MAPT: variants seen among roughly 807,000 people sequenced by gnomAD.
MAPT encodes microtubule associated protein tau.
MAPT carries 34 observed loss-of-function variants against 67.9 expected under a neutral mutation model. The ratio of observed to expected loss-of-function variants is 0.50; its 90% CI spans 0.38 to 0.67. MAPT has a LOEUF of 0.67. MAPT is among the 30% of genes least tolerant of loss of function. The pLI is 0.00. For synonymous variants in MAPT, 456 were observed against 464.5 expected (o/e 0.98, Z 0.23); for missense variants, 881 against 1,115.2 (o/e 0.79, Z 2.99).
chr17:45,908,472 A>G (rs937159891), intron 1 of MAPT: 1 of 152,216 alleles, frequency 6.6e-6, no homozygotes, highest in Non-Finnish European at 1.5e-5. Context: ...AAAGGGTCAC[A>G]GTGAGAGGGG....
intron 1 of MAPT, among the ~76,000 whole-genome samples, chr17:45,920,183 TTG>T (rs2065563331): frequency 6.6e-6 from 1 of 152,148 alleles, no homozygotes; most frequent in Non-Finnish European, 1.5e-5. Context: ...CTATTTTTGT[TTG>T]TGTTTTTCTT....
intron 2 of MAPT, among the ~76,000 whole-genome samples, chr17:45,966,514 A>G (rs922495279): frequency 1.3e-5 from 2 of 152,198 alleles, no homozygotes; most frequent in African/African-American, 4.8e-5. Context: ...ATCTGAGCCC[A>G]GGAGTTTGAG....
At chr17:45,999,628 A>T (rs760318569) in intron 9 of MAPT, 1 of 1,611,406 alleles carries the variant, frequency 6.2e-7, no homozygotes, top group Non-Finnish European at 8.5e-7. Context: ...GCCTCTGCCC[A>T]TGAGGGGTGA....
intron 10 of MAPT, among the ~76,000 whole-genome samples, chr17:46,013,097 A>G (rs1182429712): frequency 6.6e-6 from 1 of 152,164 alleles, no homozygotes; most frequent in Non-Finnish European, 1.5e-5. Context: ...CCTGCCCTGC[A>G]CCTTGTTTTT....
intron 1 of MAPT, among the ~76,000 whole-genome samples, chr17:45,941,656 A>C (rs371299814): frequency 0.2 from 2,079 of 10,402 alleles, 45 homozygotes; most frequent in African/African-American, 0.27. Context: ...CCCCCCTTCC[A>C]CCCTTCCCCC....
intron 1 of MAPT, among the ~76,000 whole-genome samples, chr17:45,908,964 A>C (rs1363965255): frequency 6.6e-6 from 1 of 151,924 alleles, no homozygotes; most frequent in African/African-American, 2.4e-5. Flanking sequence ...TCTTCAAGAA[A>C]AGTTTTAGAA....
intron 9 of MAPT, among the ~76,000 whole-genome samples, chr17:46,004,471 C>T (rs1262821790): frequency 6.6e-6 from 1 of 152,232 alleles, no homozygotes; most frequent in Non-Finnish European, 1.5e-5. Flanking sequence ...GAGCTTGCAA[C>T]ACATCGTTCT....
At chr17:45,930,094 A>T (rs1196609894) in intron 1 of MAPT, among the ~76,000 whole-genome samples, 1 of 152,136 alleles carries the variant, frequency 6.6e-6, no homozygotes, top group African/African-American at 2.4e-5. Context: ...AGAATATTTT[A>T]TGTTGTTACT....
chr17:46,016,553 C>T (rs1275728430), intron 11 of MAPT, among the ~76,000 whole-genome samples: 2 of 152,070 alleles, frequency 1.3e-5, no homozygotes, highest in African/African-American at 4.8e-5. Context: ...AGGCGGATCA[C>T]GAGGTCAGGA....
At chr17:46,005,006 A>G (rs2075311605) in intron 9 of MAPT, among the ~76,000 whole-genome samples, 1 of 152,132 alleles carries the variant, frequency 6.6e-6, no homozygotes, top group African/African-American at 2.4e-5. Context: ...GGATGGTCTC[A>G]ATCTCCTGAC....
chr17:45,992,005 C>T (rs1000164595), intron 8 of MAPT, among the ~76,000 whole-genome samples: 1 of 151,986 alleles, frequency 6.6e-6, no homozygotes, highest in East Asian at 1.9e-4. Context: ...AGGCTGGTCT[C>T]GAACGCCTGA....
intron 1 of MAPT, among the ~76,000 whole-genome samples, chr17:45,907,045 C>G (rs1009219948): frequency 6.6e-6 from 1 of 152,214 alleles, no homozygotes; most frequent in South Asian, 2.1e-4. Context: ...CCCAGAGCAA[C>G]CCCGTCACCT....
intron 1 of MAPT, among the ~76,000 whole-genome samples, chr17:45,949,794 G>A (rs895849792): frequency 3.9e-5 from 6 of 152,186 alleles, no homozygotes; most frequent in African/African-American, 1.4e-4. Context: ...ACTGCCTTGA[G>A]TAAGAAAGTT....
intron 1 of MAPT, among the ~76,000 whole-genome samples, chr17:45,935,623 C>T (rs62061719): frequency 0.14 from 21,794 of 152,108 alleles, 2,132 homozygotes; most frequent in Middle Eastern, 0.22. Flanking sequence ...CCCCTGATGC[C>T]GGCTCCTGGC....
intron 9 of MAPT, among the ~76,000 whole-genome samples, chr17:46,004,472 A>G (rs2075271379): frequency 6.6e-6 from 1 of 152,206 alleles, no homozygotes. Context: ...AGCTTGCAAC[A>G]CATCGTTCTC....
intron 1 of MAPT, among the ~76,000 whole-genome samples, chr17:45,941,643 C>T (rs1174817140): frequency 1.1e-4 from 13 of 120,086 alleles, no homozygotes; most frequent in Admixed American, 3.3e-4. Flanking sequence ...TCTTTCCCTC[C>T]TTCCCCCCTT....
rs566585797 is a variant in MAPT at position 45,962,250 on chromosome 17, C to T, written c.-17-71C>T. 9 of 1,287,462 alleles carry T rather than the reference C, an allele frequency of 7.0e-6. No homozygotes were observed. The East Asian group carries it at 7.3e-5, about 10-fold the overall frequency. The allele number at this position is 1,287,462 out of a possible 1,614,324, so 79.8% of individuals were successfully genotyped here. A position where few individuals can be genotyped will look rare whatever the true frequency, so the allele number is the denominator to read the frequency against. The stretch of plus-strand genomic sequence containing the variant: ...CTGCCATGAACTGGGAGGAGAGGCT[C>T]CTCTCTCTCTTCACCCCCACTCTGC... On this transcript the variant is annotated intron_variant, in intron 1 of 12. Coordinates refer to ENST00000262410, the MANE Select transcript of MAPT (RefSeq NM_001377265.1).
chr17:46,024,219 A>T lies in MAPT; in HGVS notation c.*48A>T, dbSNP rs755418347. 1.6e-5 allele frequency: 24 copies of T among 1,538,040 alleles called. No homozygotes were observed. The highest frequency in any genetic ancestry group is 1.8e-4 in the Middle Eastern group (1 of 5,584). Reference sequence around the variant, plus strand: ...AATTGTGGAGAGGAGAGAATGAGAGAGTGTGGAAAAAAAAAGAATAATGAC... The same window carrying T: ...AATTGTGGAGAGGAGAGAATGAGAGTGTGTGGAAAAAAAAAGAATAATGAC... On this transcript the variant is annotated 3_prime_UTR_variant, in exon 13 of 13. Transcript: ENST00000262410.
intron 1 of MAPT, among the ~76,000 whole-genome samples, chr17:45,904,074 T>G (rs1414498154): frequency 8.9e-5 from 3 of 33,864 alleles, no homozygotes; most frequent in Admixed American, 6.3e-4. Flanking sequence ...TATTATATAT[T>G]TATATATTAT....
Sources: gnomAD v4.1 joint callset for allele counts (sites outside exome capture counted in the v4.1 genomes callset) on GRCh38, gnomAD v4.1.1 for gene constraint, MANE v1.5 for transcripts, NCBI Gene and HGNC (gene_info 2026-07-23, HGNC 2026-07-21) for gene names.